PLD5: variants seen among roughly 807,000 people sequenced by gnomAD.
PLD5 encodes inactive phospholipase D5.
PLD5 carries 36 observed loss-of-function variants against 61.1 expected under a neutral mutation model. That is an observed-to-expected ratio of 0.59 (90% CI 0.45 to 0.78). The LOEUF (loss-of-function observed/expected upper bound fraction) is 0.78. Ranked by LOEUF, PLD5 falls within the 30% of genes least tolerant of loss-of-function variation. The probability of loss-of-function intolerance (pLI) is 0.00; values close to 1 mark genes in which losing one functional copy is unlikely to be tolerated. For missense variants in PLD5, 515 were observed against 644.4 expected (o/e 0.80, Z 2.17); for synonymous variants, 243 against 242.8 (o/e 1.00, Z -0.01).
intron 1 of PLD5, among the ~76,000 whole-genome samples, chr1:242,405,465 T>C (rs949962674): frequency 1.1e-4 from 16 of 152,156 alleles, no homozygotes; most frequent in Non-Finnish European, 4.4e-5. Flanking sequence ...AAAATGTGAA[T>C]AGTGTAGAAG....
intron 4 of PLD5, among the ~76,000 whole-genome samples, chr1:242,247,060 T>A (rs1304592893): frequency 1.3e-5 from 2 of 150,086 alleles, no homozygotes; most frequent in Non-Finnish European, 2.9e-5. Context: ...CTCGACTCAC[T>A]GCAAGCTCCG....
intron 1 of PLD5, among the ~76,000 whole-genome samples, chr1:242,419,387 T>G (rs1166727791): frequency 2.2e-5 from 2 of 91,662 alleles, no homozygotes; most frequent in African/African-American, 1.3e-4. Context: ...CTGATTTTTG[T>G]TTTTTTTTTT....
chr1:242,204,696 C>T (rs909537661), intron 5 of PLD5, among the ~76,000 whole-genome samples: 4 of 152,068 alleles, frequency 2.6e-5, no homozygotes, highest in Non-Finnish European at 5.9e-5. Flanking sequence ...TCCCATTTGG[C>T]CCCCCTAACA....
At chr1:242,489,245 G>A (rs754267629) in intron 1 of PLD5, among the ~76,000 whole-genome samples, 7 of 152,174 alleles carry the variant, frequency 4.6e-5, no homozygotes, top group South Asian at 4.2e-4. Flanking sequence ...TCCATCATCC[G>A]TCCCTTTTTG....
At chr1:242,185,860 G>A (rs916039134) in intron 5 of PLD5, among the ~76,000 whole-genome samples, 4 of 151,834 alleles carry the variant, frequency 2.6e-5, no homozygotes, top group African/African-American at 7.3e-5. Flanking sequence ...CACAGCTTGC[G>A]GTGTTGACAG....
chr1:242,508,851 C>T (rs1456451807), intron 1 of PLD5, among the ~76,000 whole-genome samples: 3 of 152,188 alleles, frequency 2.0e-5, no homozygotes, highest in Non-Finnish European at 2.9e-5. Context: ...GAGGCCAAGG[C>T]AGGTGGATCA....
intron 9 of PLD5, among the ~76,000 whole-genome samples, chr1:242,093,791 T>A (rs997586136): frequency 2.7e-5 from 4 of 150,930 alleles, no homozygotes; most frequent in African/African-American, 9.8e-5. Context: ...GAAATATACA[T>A]GGAAATATGC....
intron 1 of PLD5, among the ~76,000 whole-genome samples, chr1:242,385,536 T>G (rs1377363871): frequency 1.3e-5 from 2 of 152,150 alleles, no homozygotes; most frequent in Non-Finnish European, 2.9e-5. Flanking sequence ...CTTCGCAGCC[T>G]CCATGATTGC....
chr1:242,146,858 C>A (rs983405338), intron 5 of PLD5, among the ~76,000 whole-genome samples: 1 of 152,114 alleles, frequency 6.6e-6, no homozygotes, highest in African/African-American at 2.4e-5. Context: ...TCACAGGAAG[C>A]CTTTTCTAAA....
chr1:242,344,858 G>A (rs1255196361), intron 2 of PLD5, among the ~76,000 whole-genome samples: 1 of 152,120 alleles, frequency 6.6e-6, no homozygotes, highest in African/African-American at 2.4e-5. Context: ...GAACAAAAAA[G>A]GGTATAATTG....
At chr1:242,441,526 T>C (rs1666275159) in intron 1 of PLD5, among the ~76,000 whole-genome samples, 1 of 152,204 alleles carries the variant, frequency 6.6e-6, no homozygotes, top group African/African-American at 2.4e-5. Flanking sequence ...TTATCTTAGT[T>C]TCCTCAGTTA....
At position 242,100,794 on chromosome 1, in the gene PLD5, A is replaced by T. The variant is rs1306434157; in HGVS notation, c.1240-12T>A. 1 of 1,575,132 alleles carries T rather than the reference A, an allele frequency of 6.3e-7. No individual in the cohort carries two copies. Among genetic ancestry groups the T allele is most frequent in the Non-Finnish European group, 8.7e-7 (1 of 1,147,238 alleles). ...AGATCAAAAAATTTCTGTAAGAAAA[A>T]AAAAAAGGGGGCAGGTAAATAAGAG... On this transcript the variant is annotated splice_polypyrimidine_tract_variant and intron_variant, in intron 8 of 9. Coordinates refer to ENST00000536534, the MANE Select transcript of PLD5 (RefSeq NM_001372062.1).
In PLD5 at chr1:242,215,693, G is replaced by A. The variant is rs559812917; in HGVS notation, c.735+4295C>T. 5.3e-5 allele frequency among the ~76,000 whole-genome samples: 8 copies of A among 152,186 alleles called. No homozygotes were observed. The East Asian group carries it at 1.5e-3, about 29-fold the overall frequency. ...ATGGCTAGGACCTAACCCGGTACCA[G>A]AAATGAAGAAAATAACCCTACAGGA... On this transcript the variant is annotated intron_variant, in intron 5 of 9. Coordinates refer to ENST00000536534, the MANE Select transcript of PLD5 (RefSeq NM_001372062.1).
intron 9 of PLD5, among the ~76,000 whole-genome samples, chr1:242,097,848 T>C (rs901438103): frequency 6.6e-6 from 1 of 152,238 alleles, no homozygotes; most frequent in Admixed American, 6.5e-5. Flanking sequence ...TGGTATTGCC[T>C]AGGTTTTCTT....
intron 1 of PLD5, among the ~76,000 whole-genome samples, chr1:242,453,630 C>T (rs971542517): frequency 6.6e-6 from 1 of 152,108 alleles, no homozygotes; most frequent in South Asian, 2.1e-4. Context: ...AAGGTAGTCC[C>T]TAGAGATTGG....
chr1:242,212,592 C>G (rs574238667), intron 5 of PLD5, among the ~76,000 whole-genome samples: 1 of 152,110 alleles, frequency 6.6e-6, no homozygotes, highest in Non-Finnish European at 1.5e-5. Flanking sequence ...GTTTGTGCAG[C>G]AGGCAGCAGC....
At chr1:242,417,881 T>C (rs1221410054) in intron 1 of PLD5, among the ~76,000 whole-genome samples, 2 of 152,150 alleles carry the variant, frequency 1.3e-5, no homozygotes, top group Non-Finnish European at 2.9e-5. Flanking sequence ...CAGGACCTTG[T>C]AGGCCATTGC....
At chr1:242,339,374 T>C (rs1659709456) in intron 2 of PLD5, among the ~76,000 whole-genome samples, 1 of 152,112 alleles carries the variant, frequency 6.6e-6, no homozygotes, top group South Asian at 2.1e-4. Flanking sequence ...AAAGTTCCCA[T>C]TACAGGAATG....
At position 242,255,980 on chromosome 1, in the gene PLD5, G is replaced by A. The variant is rs116676048; in HGVS notation, c.607+9357C>T. On this transcript the variant is annotated intron_variant, in intron 4 of 9. Coordinates refer to ENST00000536534, the MANE Select transcript of PLD5 (RefSeq NM_001372062.1). ...CAATTGTTCAATGCTTTGTGGGATC[G>A]TAACCCAAATGACCTAAAGATGCCC... is the stretch of plus-strand genomic sequence containing the variant. Among the ~76,000 whole-genome samples, 1,043 of 152,358 alleles carry A rather than the reference G, an allele frequency of 6.8e-3. 5 individuals are homozygous for A. Among genetic ancestry groups the A allele is most frequent in the Non-Finnish European group, 9.7e-3 (661 of 68,036 alleles).
Sources: gnomAD v4.1 joint callset for allele counts (sites outside exome capture counted in the v4.1 genomes callset) on GRCh38, gnomAD v4.1.1 for gene constraint, MANE v1.5 for transcripts, NCBI Gene and HGNC (gene_info 2026-07-23, HGNC 2026-07-21) for gene names.